Variants in PLAAT4 observed in about 807,000 individuals in gnomAD.
The protein encoded by PLAAT4 is phospholipase A and acyltransferase 4.
PLAAT4 carries 12 observed loss-of-function variants against 14.1 expected under a neutral mutation model. The observed-to-expected ratio is 0.85, with a 90% CI of 0.54 to 1.37. PLAAT4 has a LOEUF of 1.37. PLAAT4 is among the 40% of genes most tolerant of loss of function. The pLI is 0.00. For synonymous variants in PLAAT4, 77 were observed against 79.8 expected, an observed-to-expected ratio of 0.96 and a Z score of 0.19; for missense variants, 163 against 211.7, an observed-to-expected ratio of 0.77 and a Z score of 1.43.
At chr11:63,539,488 T>C (rs778875124) in intron 1 of PLAAT4, 28 bp from the exon 2 acceptor site, 28 of 1,585,110 alleles carry the variant, frequency 1.8e-5, no homozygotes, top group Non-Finnish European at 2.3e-5. Flanking sequence ...GAAGGCCGGG[T>C]ACTCCATCTC....
chr11:63,545,008 G>C (rs2017352843), intron 3 of PLAAT4, 119 bp downstream of exon 3: 4 of 1,425,044 alleles, frequency 2.8e-6, no homozygotes, highest in Non-Finnish European at 3.9e-6. Flanking sequence ...TGCTGGCTGA[G>C]AGTCAGGACC....
Position 63,546,308 on chromosome 11 carries a change from T to C in PLAAT4, c.*52T>C. 3 of 1,539,648 alleles carry C rather than the reference T, an allele frequency of 1.9e-6. No homozygotes were observed. Among genetic ancestry groups the C allele is most frequent in the Non-Finnish European group, 2.7e-6 (3 of 1,112,522 alleles). ...GCAGCTGTGGGGGTCCCAGTGGAGA[T>C]GAGCCTCCCCCATGCCTCCAGCAGC... On this transcript the variant is annotated 3_prime_UTR_variant, in exon 4 of 4. Coordinates refer to ENST00000255688, the MANE Select transcript of PLAAT4 (RefSeq NM_004585.5).
chr11:63,545,054 A>C, intron 3 of PLAAT4, 165 bp downstream of exon 3: 1 of 983,648 alleles, frequency 1.0e-6, no homozygotes, highest in Non-Finnish European at 1.6e-6. Context: ...TCTAATCCAC[A>C]GAGGGTCTTT....
intron 3 of PLAAT4, 26 bp downstream of exon 3, chr11:63,544,915 C>G: frequency 6.2e-7 from 1 of 1,614,184 alleles, no homozygotes; most frequent in Non-Finnish European, 8.5e-7. Flanking sequence ...GATAATCCAT[C>G]TCCCTCTGCT....
chr11:63,538,068 G>A (rs181783300), intron 1 of PLAAT4, among the ~76,000 whole-genome samples: 2 of 152,314 alleles, frequency 1.3e-5, no homozygotes, highest in East Asian at 1.9e-4. Context: ...GGAAGAGGAA[G>A]AGTGGCTGCA....
intron 2 of PLAAT4, among the ~76,000 whole-genome samples, chr11:63,541,093 A>C (rs1000132274): frequency 1.3e-5 from 2 of 152,182 alleles, no homozygotes; most frequent in Non-Finnish European, 2.9e-5. Context: ...ATAGTAAATC[A>C]AGCCCACTTA....
rs571319978 is a variant in PLAAT4 at position 63,539,647 on chromosome 11, T to G, written c.118+23T>G. The G allele has an allele frequency of 1.9e-6, 3 of 1,553,788 alleles. No homozygotes were observed. In the African/African-American group the frequency reaches 4.1e-5, roughly 21 times the overall value. On this transcript the variant is annotated intron_variant, in intron 2 of 3. Transcript: ENST00000255688. ...CAAGTAAGGACTGATGAATATATAA[T>G]TTTCAAAATATTTGTTAAAAGGATA... is the stretch of plus-strand genomic sequence containing the variant.
At chr11:63,537,676 A>T (rs2017283583) in intron 1 of PLAAT4, among the ~76,000 whole-genome samples, 1 of 152,170 alleles carries the variant, frequency 6.6e-6, no homozygotes, top group Non-Finnish European at 1.5e-5. Flanking sequence ...GACATTCAGC[A>T]TTGCAGTTAA....
chr11:63,544,289 A>T (rs1323646251), intron 2 of PLAAT4, among the ~76,000 whole-genome samples: 1 of 152,100 alleles, frequency 6.6e-6, no homozygotes, highest in African/African-American at 2.4e-5. Context: ...ACTTGAACGA[A>T]CATTCACACC....
chr11:63,543,633 T>C (rs530686520), intron 2 of PLAAT4, among the ~76,000 whole-genome samples: 1 of 152,296 alleles, frequency 6.6e-6, no homozygotes, highest in African/African-American at 2.4e-5. Flanking sequence ...GGGTTCTAAA[T>C]GCAAACATCA....
In PLAAT4 at chr11:63,539,504, T is replaced by G; in HGVS notation, c.10-12T>G. The G allele has an allele frequency of 7.4e-6, 12 of 1,611,478 alleles. No individual in the cohort carries two copies. The highest frequency in any genetic ancestry group is 1.0e-5 in the Non-Finnish European group (12 of 1,177,770). On this transcript the variant is annotated splice_polypyrimidine_tract_variant and intron_variant, in intron 1 of 3. Transcript: ENST00000255688. ...AAGGCCGGGTACTCCATCTCTGGCT[T>G]TTCTGTTGCAGCCACACCAAGAGCC...
chr11:63,541,195 C>CT (rs201897796), intron 2 of PLAAT4, among the ~76,000 whole-genome samples: 31,619 of 139,308 alleles, frequency 0.23, 4,017 homozygotes, highest in East Asian at 0.66. Flanking sequence ...TGTAAAGAGG[C>CT]TTTTTTTTTT....
At position 63,544,648 on chromosome 11, in the gene PLAAT4, G is replaced by C. The variant is rs904636691; in HGVS notation, c.146G>C (p.Ser49Thr). Residue 49 changes from serine to threonine, a missense_variant, in exon 3 of 4, where the codon AGT becomes ACT. Coordinates refer to ENST00000255688, the MANE Select transcript of PLAAT4 (RefSeq NM_004585.5). The part of the protein sequence containing the change: ...PSEYPGAGSS[S>T]VFSVLSNSAE... ...GAGTACCCCGGGGCTGGCTCCTCCA[G>C]TGTCTTCTCAGTCCTGAGCAACAGT... The C allele has an allele frequency of 1.2e-6, 2 of 1,613,918 alleles. No individual in the cohort carries two copies. The highest frequency in any genetic ancestry group is 8.5e-7 in the Non-Finnish European group (1 of 1,179,800).
At chr11:63,540,020 T>C (rs1362422014) in intron 2 of PLAAT4, among the ~76,000 whole-genome samples, 1 of 152,220 alleles carries the variant, frequency 6.6e-6, no homozygotes, top group Non-Finnish European at 1.5e-5. Flanking sequence ...AAGGGAAACT[T>C]GAGTTAGGAG....
intron 1 of PLAAT4, among the ~76,000 whole-genome samples, chr11:63,539,127 G>A (rs910491264): frequency 6.6e-6 from 1 of 152,182 alleles, no homozygotes; most frequent in African/African-American, 2.4e-5. Context: ...GAGAGCTCAA[G>A]ACTCACCTTC....
intron 2 of PLAAT4, among the ~76,000 whole-genome samples, chr11:63,542,678 C>T (rs1373826082): frequency 6.6e-6 from 1 of 152,222 alleles, no homozygotes; most frequent in African/African-American, 2.4e-5. Flanking sequence ...CACAGCTCCT[C>T]TCCTTCACTA....
intron 2 of PLAAT4, among the ~76,000 whole-genome samples, chr11:63,542,477 C>G (rs145860407): frequency 1.3e-5 from 2 of 152,168 alleles, no homozygotes; most frequent in Non-Finnish European, 2.9e-5. Flanking sequence ...GCATTTACAA[C>G]GTGTCTGGCT....
At chr11:63,540,121 G>A (rs748640350) in intron 2 of PLAAT4, among the ~76,000 whole-genome samples, 6 of 152,228 alleles carry the variant, frequency 3.9e-5, no homozygotes, top group South Asian at 2.1e-4. Context: ...CTGGCAGAAC[G>A]GAAGAAGAGA....
At chr11:63,537,498 G>A (rs2017280391) in intron 1 of PLAAT4, among the ~76,000 whole-genome samples, 1 of 152,148 alleles carries the variant, frequency 6.6e-6, no homozygotes, top group African/African-American at 2.4e-5. Flanking sequence ...TTCCGGGAAG[G>A]AGTCCTGCAA....
Sources: allele counts gnomAD v4.1 joint callset (sites outside exome capture counted in the v4.1 genomes callset), GRCh38; gene constraint gnomAD v4.1.1; transcripts MANE v1.5; gene names NCBI Gene and HGNC (gene_info 2026-07-23, HGNC 2026-07-21).